The following DCD variants were observed in gnomAD, a reference collection of about 807,000 sequenced individuals.
DCD encodes the protein dermcidin, also known as diffusible survival/evasion peptide.
DCD carries 17 observed loss-of-function variants against 14.5 expected under a neutral mutation model. That is an observed-to-expected ratio of 1.18 (90% CI 0.81 to 1.76). The LOEUF (loss-of-function observed/expected upper bound fraction) is 1.76. Ranked by LOEUF, DCD falls within the 40% of genes most tolerant of loss-of-function variation. The probability of loss-of-function intolerance (pLI) is 0.00; values close to 1 mark genes in which losing one functional copy is unlikely to be tolerated. For synonymous variants in DCD, 64 were observed against 54.0 expected (o/e 1.19, Z -0.82); for missense variants, 139 against 133.4 (o/e 1.04, Z -0.21).
chr12:54,645,610 A>G lies in DCD; in HGVS notation c.195T>C (p.Leu65=). The change falls in exon 3 of 5, where the codon CTT becomes CTC. Residue 65 remains leucine (L), a synonymous_variant. Coordinates refer to ENST00000293371, the MANE Select transcript of DCD (RefSeq NM_053283.4). The stretch of plus-strand genomic sequence containing the variant: ...GGCATTGGGAAAGAGGCTTACCCAG[A>G]AGGCTGGATCTCTGCTTCCTTGGCT... ...APKPRKQRSS[L]LEKGLDGAKK... is the part of the protein sequence containing the mutation. 1 of 1,613,886 alleles carries G rather than the reference A, an allele frequency of 6.2e-7. No individual in the cohort carries two copies. Among genetic ancestry groups the G allele is most frequent in the Non-Finnish European group, 8.5e-7 (1 of 1,179,818 alleles).
chr12:54,644,904 G>A (rs1233963607), intron 4 of DCD, 148 bp from the exon 5 acceptor site: 1 of 1,550,442 alleles, frequency 6.4e-7, no homozygotes. Flanking sequence ...GAGGGATGGA[G>A]GTTAGATTCA....
At chr12:54,647,051 C>A in intron 2 of DCD, 70 bp downstream of exon 2, 2 of 1,487,560 alleles carry the variant, frequency 1.3e-6, no homozygotes, top group South Asian at 2.5e-5. Context: ...TCTCTGACTT[C>A]CTCCACTCAT....
chr12:54,647,300 A>C, intron 1 of DCD, 141 bp from the exon 2 acceptor site: 2 of 732,066 alleles, frequency 2.7e-6, no homozygotes, highest in Non-Finnish European at 4.4e-6. Flanking sequence ...CTGCTTCACA[A>C]GGGGCCCACT....
At chr12:54,645,518 C>T in intron 3 of DCD, 88 bp downstream of exon 3, 1 of 1,212,498 alleles carries the variant, frequency 8.2e-7, no homozygotes, top group East Asian at 2.3e-5. Context: ...TGTCCCTGTG[C>T]TTGTGCCTGT....
intron 2 of DCD, 57 bp from the exon 3 acceptor site, chr12:54,645,764 C>A: frequency 1.3e-6 from 2 of 1,496,702 alleles, no homozygotes; most frequent in South Asian, 2.3e-5. Context: ...CCACCCTGGT[C>A]GGGGAGCAGG....
chr12:54,645,160 G>A lies in DCD; in HGVS notation c.289+13C>T. The A allele has an allele frequency of 6.2e-7, 1 of 1,612,798 alleles. No homozygotes were observed. Among genetic ancestry groups the A allele is most frequent in the Non-Finnish European group, 8.5e-7 (1 of 1,178,892 alleles). On this transcript the variant is annotated intron_variant, in intron 4 of 4. Transcript: ENST00000293371. ...AGGCTGGTCCTGAGGGAGGAGTGGG[G>A]ACATATACTCACCTTTACCCACGCT...
In DCD at chr12:54,645,222, G is replaced by A; in HGVS notation, c.240C>T (p.Leu80=). ...CGACTGCATCTTTTCCTAGTTTTCC[G>A]AGTCCCCCCACAGCTTTTTTTGCTC... is the stretch of plus-strand genomic sequence containing the variant. ...LDGAKKAVGG[L]GKLGKDAVED... The change falls in exon 4 of 5, where the codon CTC becomes CTT. Residue 80 remains leucine (L), a synonymous_variant. Transcript: ENST00000293371. 2.5e-6 allele frequency: 4 copies of A among 1,613,944 alleles called. No individual in the cohort carries two copies. Among genetic ancestry groups the A allele is most frequent in the Non-Finnish European group, 2.5e-6 (3 of 1,180,000 alleles).
chr12:54,645,761 G>T (rs1455045548), intron 2 of DCD, 54 bp from the exon 3 acceptor site: 1 of 1,506,478 alleles, frequency 6.6e-7, no homozygotes, highest in Non-Finnish European at 9.2e-7. Context: ...TTTCCACCCT[G>T]GTCGGGGAGC....
In DCD at chr12:54,644,682, C is replaced by T; in HGVS notation, c.*31G>A. 1 of 1,418,788 alleles carries T rather than the reference C, an allele frequency of 7.0e-7. No homozygotes were observed. The highest frequency in any genetic ancestry group is 9.9e-7 in the Non-Finnish European group (1 of 1,014,114). 87.9% of individuals were successfully genotyped at this position (1,418,788 alleles called of 1,614,324 possible). A position where few individuals can be genotyped will look rare whatever the true frequency, so the allele number is the denominator to read the frequency against. ...GCTGAAGACGTAAAGCCTGCTGCTC[C>T]TGGGTATCATTTCTCAGCTTCTCCT... On this transcript the variant is annotated 3_prime_UTR_variant, in exon 5 of 5. Transcript: ENST00000293371.
intron 4 of DCD, 169 bp from the exon 5 acceptor site, chr12:54,644,925 A>G (rs943743153): frequency 3.9e-6 from 6 of 1,549,900 alleles, no homozygotes; most frequent in Non-Finnish European, 5.2e-6. Flanking sequence ...CAGGAGCCCC[A>G]AAGACCAACC....
rs756756691 is a variant in DCD, at chr12:54,648,291, T to A, written c.13A>T (p.Thr5Ser). Residue 5 changes from threonine (T) to serine (S), a missense_variant, in exon 1 of 5, where the codon ACT becomes TCT. Coordinates refer to ENST00000293371, the MANE Select transcript of DCD (RefSeq NM_053283.4). MRFMTLLFLTALAGA... is the reference protein window; with the variant it reads MRFMSLLFLTALAGA... ...GCCAGAGCTGTCAGGAAGAGGAGAGTCATGAACCTCATGCTTCTGTGTGCT... is the reference window on the plus strand; with the variant it reads ...GCCAGAGCTGTCAGGAAGAGGAGAGACATGAACCTCATGCTTCTGTGTGCT... 1.2e-6 allele frequency: 2 copies of A among 1,613,226 alleles called. No individual in the cohort carries two copies. Among genetic ancestry groups the A allele is most frequent in the Non-Finnish European group, 1.7e-6 (2 of 1,179,776 alleles).
rs747799126 is a variant in DCD at position 54,645,312 on chromosome 12, C to T, written c.200-50G>A. ...GGTCATAGAAGCAGAAAAACTACTT[C>T]CTTTGTAGGAGAGCTCCCCCGCTTC... is the stretch of plus-strand genomic sequence containing the variant. On this transcript the variant is annotated intron_variant, in intron 3 of 4. Coordinates refer to ENST00000293371, the MANE Select transcript of DCD (RefSeq NM_053283.4). The T allele has an allele frequency of 1.9e-6, 3 of 1,565,262 alleles. No homozygotes were observed. In the African/African-American group the frequency reaches 4.1e-5, roughly 21 times the overall value.
In DCD at chr12:54,647,113, G is replaced by T; in HGVS notation, c.97+8C>A. The T allele has an allele frequency of 1.3e-6, 2 of 1,556,850 alleles. No individual in the cohort carries two copies. ...AGGACTGGGGCAGGAGGAAGAGAAA[G>T]GACTCACGGTTCCCCGATCCTGGGG... On this transcript the variant is annotated splice_region_variant and intron_variant, in intron 2 of 4. Transcript: ENST00000293371.
chr12:54,644,935 C>T (rs1488967992), intron 4 of DCD, 179 bp from the exon 5 acceptor site: 1 of 1,549,462 alleles, frequency 6.5e-7, no homozygotes, highest in Non-Finnish European at 8.7e-7. Context: ...AAAGACCAAC[C>T]TCTCTTCCCC....
intron 3 of DCD, 145 bp downstream of exon 3, chr12:54,645,461 A>G: frequency 2.4e-6 from 2 of 836,882 alleles, no homozygotes; most frequent in African/African-American, 1.7e-5. Context: ...CTGTATGTAG[A>G]AGCAGGTGTG....
At chr12:54,647,653 C>T (rs2029851) in intron 1 of DCD, among the ~76,000 whole-genome samples, 108,159 of 152,164 alleles carry the variant, frequency 0.71, 38,560 homozygotes, top group African/African-American at 0.71. Context: ...GGAAGACAGA[C>T]AGTGTAATTG....
chr12:54,647,875 T>C (rs1958273957), intron 1 of DCD, among the ~76,000 whole-genome samples: 1 of 151,680 alleles, frequency 6.6e-6, no homozygotes, highest in African/African-American at 2.4e-5. Flanking sequence ...ACTTGGAAAT[T>C]GAGTAGGAAG....
chr12:54,645,125 G>A, intron 4 of DCD, 48 bp downstream of exon 4: 1 of 1,588,868 alleles, frequency 6.3e-7, no homozygotes, highest in African/African-American at 1.3e-5. Context: ...CATGCAAGGG[G>A]TGGAGACTGA....
intron 3 of DCD, 40 bp from the exon 4 acceptor site, chr12:54,645,302 A>C (rs774206920): frequency 6.3e-7 from 1 of 1,582,472 alleles, no homozygotes; most frequent in South Asian, 1.1e-5. Context: ...TAGAAGCAGA[A>C]AAACTACTTC....
Sources: allele counts gnomAD v4.1 joint callset (sites outside exome capture counted in the v4.1 genomes callset), GRCh38; gene constraint gnomAD v4.1.1; transcripts MANE v1.5; gene names NCBI Gene and HGNC (gene_info 2026-07-23, HGNC 2026-07-21).